The following SMARCD3 variants were observed in gnomAD, a reference collection of about 807,000 sequenced individuals.
SMARCD3 encodes SWI/SNF related BAF chromatin remodeling complex subunit D3.
A neutral mutation model predicts 58.0 loss-of-function variants in SMARCD3; 14 were observed. The observed-to-expected ratio is 0.24, with a 90% CI of 0.16 to 0.38. The LOEUF (loss-of-function observed/expected upper bound fraction) is 0.38, where lower values mean the gene tolerates loss of function less well. SMARCD3 is among the 10% of genes least tolerant of loss of function. The pLI is 1.00. For synonymous variants in SMARCD3, 253 were observed against 253.8 expected, an observed-to-expected ratio of 1.00 and a Z score of 0.03; for missense variants, 408 against 636.9, an observed-to-expected ratio of 0.64 and a Z score of 3.87.
At chr7:151,255,576 C>T (rs1268951280) in intron 2 of SMARCD3, among the ~76,000 whole-genome samples, 9 of 152,168 alleles carry the variant, frequency 5.9e-5, no homozygotes, top group African/African-American at 1.9e-4. Context: ...CCTCTTCCAG[C>T]GATCCTCCCT....
chr7:151,272,150 C>G lies in SMARCD3; in HGVS notation c.39+2964G>C, dbSNP rs142337356. 3.7e-3 allele frequency among the ~76,000 whole-genome samples: 567 copies of G among 151,928 alleles called. 3 individuals carry two copies. The highest frequency in any genetic ancestry group is 0.013 in the African/African-American group (546 of 41,402). Reference sequence around the variant, plus strand: ...TTGCATAACTTTGTCACATGGTATCCCCTTCATTTCCTCATACAGGAGAGA... The same window carrying G: ...TTGCATAACTTTGTCACATGGTATCGCCTTCATTTCCTCATACAGGAGAGA... On this transcript the variant is annotated intron_variant, in intron 2 of 13. Coordinates refer to the SMARCD3 transcript ENST00000356800.
intron 2 of SMARCD3, among the ~76,000 whole-genome samples, chr7:151,273,877 G>A (rs1470684173): frequency 6.6e-6 from 1 of 152,244 alleles, no homozygotes; most frequent in African/African-American, 2.4e-5. Context: ...CTCACTGGAG[G>A]AGGAGGGGCA....
At chr7:151,268,842 G>A (rs1795073164) in intron 2 of SMARCD3, among the ~76,000 whole-genome samples, 1 of 151,952 alleles carries the variant, frequency 6.6e-6, no homozygotes, top group African/African-American at 2.4e-5. Flanking sequence ...GGCTTCAGGC[G>A]ATCTTCCTGC....
chr7:151,270,348 C>T (rs1795138283), intron 2 of SMARCD3, among the ~76,000 whole-genome samples: 1 of 152,116 alleles, frequency 6.6e-6, no homozygotes, highest in Non-Finnish European at 1.5e-5. Flanking sequence ...GCTGACAGCA[C>T]CAAGAGGGAT....
At chr7:151,254,106 G>T (rs1427386503) in intron 2 of SMARCD3, among the ~76,000 whole-genome samples, 1 of 152,128 alleles carries the variant, frequency 6.6e-6, no homozygotes, top group Non-Finnish European at 1.5e-5. Flanking sequence ...CCTCCTCCCA[G>T]GTGTGTGGGA....
In SMARCD3 at chr7:151,245,199, AAGG is replaced by A. The variant is rs989523497; in HGVS notation, c.290+258_290+260del. 2.0e-5 allele frequency among the ~76,000 whole-genome samples: 3 copies of A among 150,546 alleles called. No individual in the cohort carries two copies. Among genetic ancestry groups the A allele is most frequent in the African/African-American group, 4.9e-5 (2 of 40,726 alleles). On this transcript the variant is annotated intron_variant, in intron 2 of 12. Transcript: ENST00000262188. The surrounding 1 kb of genome is among the most constrained non-coding windows in gnomAD (Gnocchi z 6.2). ...TGGAGAGAAGGACTGAGCAGGTGAC[AAGG>A]AGAAGGGTGAGGGGAGCGTGCAGGG...
Position 151,248,676 on chromosome 7 carries a change from A to G in SMARCD3, c.-114T>C. The G allele has an allele frequency of 6.9e-7, 1 of 1,449,722 alleles. No individual in the cohort carries two copies. Among genetic ancestry groups the G allele is most frequent in the Non-Finnish European group, 9.2e-7 (1 of 1,090,788 alleles). 89.8% of individuals were successfully genotyped at this position (1,449,722 alleles called of 1,614,324 possible). ...TCTGAGTCCTGCTGGGCTCTCTCAC[A>G]CTTCTACTCGAGCGGAGTGGGGAGG... On this transcript the variant is annotated 5_prime_UTR_variant, in exon 1 of 13. Transcript: ENST00000262188. This position sits in a 1 kb window ranked among gnomAD's most constrained non-coding sequence, Gnocchi z 6.1.
In SMARCD3 at chr7:151,245,319, G is replaced by A. The variant is rs954981020; in HGVS notation, c.290+141C>T. On this transcript the variant is annotated intron_variant, in intron 2 of 12. Transcript: ENST00000262188. The surrounding 1 kb of genome is among the most constrained non-coding windows in gnomAD (Gnocchi z 6.2). ...GCCCCCTAAGCCTACCTCCCCAGAG[G>A]GCATTCGACCCGGGAAGCCTCGCTC... 3 of 382,090 alleles carry A rather than the reference G, an allele frequency of 7.9e-6. No individual in the cohort carries two copies. The highest frequency in any genetic ancestry group is 3.9e-5 in the East Asian group (1 of 25,668). The allele number at this position is 382,090 out of a possible 1,614,324, so 23.7% of individuals were successfully genotyped here.
rs567978066 is a variant in SMARCD3, at chr7:151,269,983, A to C, written c.39+5131T>G. On this transcript the variant is annotated intron_variant, in intron 2 of 13. Coordinates refer to the SMARCD3 transcript ENST00000356800. Reference sequence around the variant, plus strand: ...TGGGCCATGGCCTTGGGGGATCTTCAGCGCTCCCCAGGGGGCACGAAGGCT... The same window carrying C: ...TGGGCCATGGCCTTGGGGGATCTTCCGCGCTCCCCAGGGGGCACGAAGGCT... Among the ~76,000 whole-genome samples the C allele has an allele frequency of 2.0e-5, 3 of 152,276 alleles. No homozygotes were observed. In the South Asian group the frequency reaches 6.2e-4, roughly 32 times the overall value.
At chr7:151,269,157 A>G (rs1795083285) in intron 2 of SMARCD3, among the ~76,000 whole-genome samples, 1 of 152,176 alleles carries the variant, frequency 6.6e-6, no homozygotes, top group Non-Finnish European at 1.5e-5. Flanking sequence ...GATGCAAGTG[A>G]GGTGATGGTG....
Position 151,243,493 on chromosome 7 carries a change from ACCTCACCC to A in SMARCD3, c.333+158_333+165del, listed in dbSNP as rs996745724. Among the ~76,000 whole-genome samples, 13 of 150,814 alleles carry A rather than the reference ACCTCACCC, an allele frequency of 8.6e-5. No individual in the cohort carries two copies. The highest frequency in any genetic ancestry group is 1.8e-4 in the Non-Finnish European group (12 of 67,710). On this transcript the variant is annotated intron_variant, in intron 3 of 12. Transcript: ENST00000262188. This position sits in a 1 kb window ranked among gnomAD's most constrained non-coding sequence, Gnocchi z 4.4. Reference sequence around the variant, plus strand: ...CCCAGTGGCTCTGCTGCTTCCCTCCACCTCACCCCCTCCCTCTGGCCTGCGGAGCCTCA... The same window carrying A: ...CCCAGTGGCTCTGCTGCTTCCCTCCACCTCCCTCTGGCCTGCGGAGCCTCA...
chr7:151,258,637 C>T (rs1327119830), intron 2 of SMARCD3, among the ~76,000 whole-genome samples: 1 of 151,902 alleles, frequency 6.6e-6, no homozygotes, highest in African/African-American at 2.4e-5. Context: ...CTAAACCCTC[C>T]AGGCCTTCCA....
chr7:151,252,657 C>A (rs1803565551), upstream of SMARCD3, among the ~76,000 whole-genome samples: 1 of 152,120 alleles, frequency 6.6e-6, no homozygotes, highest in Admixed American at 6.5e-5. Context: ...TGGGGTCACG[C>A]CCAGCTCCAG....
upstream of SMARCD3, among the ~76,000 whole-genome samples, chr7:151,252,141 C>T (rs529078275): frequency 4.9e-4 from 75 of 152,262 alleles, no homozygotes; most frequent in South Asian, 8.3e-4. Context: ...CAGTCCCGCC[C>T]TCCTGCCCTC....
At chr7:151,267,873 G>A (rs1795047976) in intron 2 of SMARCD3, among the ~76,000 whole-genome samples, 1 of 152,156 alleles carries the variant, frequency 6.6e-6, no homozygotes, top group Admixed American at 6.5e-5. Context: ...GCTACTTGGG[G>A]CACTGAGGTG....
chr7:151,239,892 G>A lies in SMARCD3; in HGVS notation c.1174-146C>T, dbSNP rs1390560156. 7.1e-6 allele frequency: 7 copies of A among 986,152 alleles called. No individual in the cohort carries two copies. In the Admixed American group the frequency reaches 1.4e-4, roughly 20 times the overall value. The allele number at this position is 986,152 out of a possible 1,614,324, so 61.1% of individuals were successfully genotyped here. On this transcript the variant is annotated intron_variant, in intron 10 of 12. Coordinates refer to ENST00000262188, the MANE Select transcript of SMARCD3 (RefSeq NM_001003801.2). The surrounding 1 kb of genome is among the most constrained non-coding windows in gnomAD (Gnocchi z 7.0). ...GCCCCTGATTTCTCTGAAGTCCCAG[G>A]GGAGGAGGGGATGGGCAGAACTAAA...
Position 151,242,206 on chromosome 7 carries a change from A to C in SMARCD3, c.606T>G (p.Ser202=), listed in dbSNP as rs1370319632. 1 of 1,614,134 alleles carries C rather than the reference A, an allele frequency of 6.2e-7. No homozygotes were observed. Among genetic ancestry groups the C allele is most frequent in the Non-Finnish European group, 8.5e-7 (1 of 1,179,958 alleles). ...CGATGACCAAACTCTTGAAGAAAGA[A>C]GAGAACTTCCGCTTCTGTTTGCTGG... is the stretch of plus-strand genomic sequence containing the variant. The part of the protein sequence containing the change: ...DDPSKQKRKF[S]SFFKSLVIEL... Residue 202 remains serine, a synonymous_variant, in exon 6 of 13, where the codon TCT becomes TCG. Coordinates refer to ENST00000262188, the MANE Select transcript of SMARCD3 (RefSeq NM_001003801.2). The surrounding 1 kb of genome is among the most constrained non-coding windows in gnomAD (Gnocchi z 4.7).
chr7:151,243,728 G>A lies in SMARCD3; in HGVS notation c.291-27C>T, dbSNP rs749531948. The A allele has an allele frequency of 1.5e-5, 23 of 1,566,508 alleles. No homozygotes were observed. Among genetic ancestry groups the A allele is most frequent in the African/African-American group, 2.7e-5 (2 of 73,942 alleles). The stretch of plus-strand genomic sequence containing the variant: ...TGTACATTTTTTAAAGAAAAAACCA[G>A]GTTACCATGGCGACAGATCTGGGCG... On this transcript the variant is annotated intron_variant, in intron 2 of 12. Transcript: ENST00000262188. This position sits in a 1 kb window ranked among gnomAD's most constrained non-coding sequence, Gnocchi z 4.4.
Position 151,275,313 on chromosome 7 carries a change from G to A in SMARCD3, c.-99-62C>T, listed in dbSNP as rs145770284. ...ATTCAAGGAGGCCTCGGGAAGCTGCGAAGAAGCCAAACTCCCCGGAGTGGA... is the reference window on the plus strand; with the variant it reads ...ATTCAAGGAGGCCTCGGGAAGCTGCAAAGAAGCCAAACTCCCCGGAGTGGA... On this transcript the variant is annotated intron_variant, in intron 1 of 13. Coordinates refer to the SMARCD3 transcript ENST00000356800. 351 of 672,444 alleles carry A rather than the reference G, an allele frequency of 5.2e-4. 2 individuals carry two copies. The highest frequency in any genetic ancestry group is 4.5e-3 in the East Asian group (163 of 36,458). The allele number at this position is 672,444 out of a possible 1,614,324, so 41.7% of individuals were successfully genotyped here.
Sources: gnomAD v4.1 joint callset for allele counts (sites outside exome capture counted in the v4.1 genomes callset) on GRCh38, gnomAD v4.1.1 for gene constraint, Gnocchi (gnomAD v3.1) non-coding constraint, MANE v1.5 for transcripts, NCBI Gene and HGNC (gene_info 2026-07-23, HGNC 2026-07-21) for gene names.